SGSM1: variants seen among roughly 807,000 people sequenced by gnomAD.
SGSM1 encodes the protein RUN and TBC1 domain containing 2.
SGSM1 carries 73 observed loss-of-function variants against 133.8 expected under a neutral mutation model. That is an observed-to-expected ratio of 0.55 (90% CI 0.45 to 0.66). The LOEUF (loss-of-function observed/expected upper bound fraction) is 0.66, where lower values mean the gene tolerates loss of function less well. Ranked by LOEUF, SGSM1 falls within the 30% of genes least tolerant of loss-of-function variation. The pLI is 0.00. For synonymous variants in SGSM1, 563 were observed against 573.0 expected (o/e 0.98, Z 0.25); for missense variants, 1,213 against 1,448.1 (o/e 0.84, Z 2.64).
chr22:24,910,097 G>A (rs1179961270), intron 21 of SGSM1, among the ~76,000 whole-genome samples: 3 of 152,166 alleles, frequency 2.0e-5, no homozygotes, highest in African/African-American at 7.2e-5. Flanking sequence ...AGACACAAAA[G>A]TTCACAAATG....
intron 6 of SGSM1, 60 bp downstream of exon 6, chr22:24,855,123 C>T: frequency 6.4e-7 from 1 of 1,573,322 alleles, no homozygotes; most frequent in South Asian, 1.1e-5. Flanking sequence ...TGAGGGGCAC[C>T]TTCTCCAGGA....
chr22:24,816,836 C>T (rs115421666), intron 2 of SGSM1, among the ~76,000 whole-genome samples: 3,021 of 152,184 alleles, frequency 0.02, 100 homozygotes, highest in African/African-American at 0.069. Flanking sequence ...TAGAGTGTTG[C>T]CCAGCAGCTC....
rs759247466 is a variant in SGSM1, at chr22:24,850,372, G to A, written c.395G>A (p.Arg132His). ...CTTGCCATCAAGCATCTGTGGATTC[G>A]CACAGCCTTGTTTGAGAAGGTCCTG... Reference protein sequence around the residue: ...SPLAIKHLWIRTALFEKVLDK... With the variant: ...SPLAIKHLWIHTALFEKVLDK... The change falls in exon 5 of 25, where the codon CGC (arginine) becomes CAC (histidine). Residue 132 changes from arginine (R) to histidine (H), a missense_variant. Coordinates refer to ENST00000400358, the MANE Select transcript of SGSM1 (RefSeq NM_001098497.3). 5.0e-6 allele frequency: 8 copies of A among 1,613,840 alleles called. No homozygotes were observed. The South Asian group carries it at 6.6e-5, about 13-fold the overall frequency.
At chr22:24,900,401 T>TTCTTTCTTTCTCTTTCTTTC (rs1933108801) in intron 19 of SGSM1, among the ~76,000 whole-genome samples, 1 of 66,432 alleles carries the variant, frequency 1.5e-5, no homozygotes, top group African/African-American at 4.7e-5. Flanking sequence ...CTTTCTTTCT[T>TTCTTTCTTTCTCTTTCTTTC]TCTTTCTGTA....
At chr22:24,864,316 A>T (rs1435615620) in intron 9 of SGSM1, among the ~76,000 whole-genome samples, 1 of 152,174 alleles carries the variant, frequency 6.6e-6, no homozygotes, top group Non-Finnish European at 1.5e-5. Context: ...GCTCATAGGG[A>T]TCTACCCAAG....
intron 21 of SGSM1, among the ~76,000 whole-genome samples, chr22:24,911,604 C>T (rs139762): frequency 0.28 from 42,941 of 151,970 alleles, 6,991 homozygotes; most frequent in East Asian, 0.55. Flanking sequence ...ATCATGGTGA[C>T]AGTATATACC....
chr22:24,855,395 C>G lies in SGSM1; in HGVS notation c.634C>G (p.Arg212Gly), dbSNP rs770730066. Residue 212 changes from arginine to glycine, a missense_variant, in exon 7 of 25, where the codon CGG becomes GGG. By Grantham distance (125) the Arg-to-Gly change is moderately radical (BLOSUM62 -2). Coordinates refer to ENST00000400358, the MANE Select transcript of SGSM1 (RefSeq NM_001098497.3). ...QRHRIHSSHV[R>G]QDSPTKRPAL... Reference sequence around the variant, plus strand: ...GCACCGCATCCACAGCTCCCACGTGCGGCAGGACTCGCCCACCAAGCGTCC... The same window carrying G: ...GCACCGCATCCACAGCTCCCACGTGGGGCAGGACTCGCCCACCAAGCGTCC... 1 of 1,613,352 alleles carries G rather than the reference C, an allele frequency of 6.2e-7. No homozygotes were observed. Among genetic ancestry groups the G allele is most frequent in the Non-Finnish European group, 8.5e-7 (1 of 1,179,778 alleles).
intron 18 of SGSM1, among the ~76,000 whole-genome samples, chr22:24,895,526 G>A (rs1009904619): frequency 6.6e-6 from 1 of 152,108 alleles, no homozygotes; most frequent in South Asian, 2.1e-4. Flanking sequence ...TGCTTTGATC[G>A]TCCTTAATCT....
At chr22:24,857,002 T>C (rs1283344880) in intron 8 of SGSM1, among the ~76,000 whole-genome samples, 3 of 152,042 alleles carry the variant, frequency 2.0e-5, no homozygotes. Context: ...TCTCCTGACC[T>C]TGTGATCTGC....
At chr22:24,895,731 C>T (rs1035198655) in intron 18 of SGSM1, among the ~76,000 whole-genome samples, 7 of 152,088 alleles carry the variant, frequency 4.6e-5, no homozygotes, top group Non-Finnish European at 7.3e-5. Flanking sequence ...AAAGAGATAA[C>T]TCAATCTCAC....
At position 24,896,273 on chromosome 22, in the gene SGSM1, T is replaced by TA. The variant is rs201538346; in HGVS notation, c.2022+992dup. ...TTGCTTCCTAATTTTGATTTTGGAG[T>TA]AAAAAAAAAACTCTGGTTTTGACTC... is the stretch of plus-strand genomic sequence containing the variant. On this transcript the variant is annotated intron_variant, in intron 18 of 24. Coordinates refer to ENST00000400358, the MANE Select transcript of SGSM1 (RefSeq NM_001098497.3). 2.7e-3 allele frequency among the ~76,000 whole-genome samples: 398 copies of TA among 147,284 alleles called. 3 individuals carry two copies. Among genetic ancestry groups the TA allele is most frequent in the African/African-American group, 9.4e-3 (378 of 40,214 alleles).
chr22:24,895,488 C>T (rs1223596597), intron 18 of SGSM1, among the ~76,000 whole-genome samples, 197 bp downstream of exon 18: 1 of 152,168 alleles, frequency 6.6e-6, no homozygotes, highest in Non-Finnish European at 1.5e-5. Flanking sequence ...CTGCAAAAAA[C>T]TAAAACATTG....
At chr22:24,902,765 T>G (rs1454442564) in intron 20 of SGSM1, among the ~76,000 whole-genome samples, 2 of 151,946 alleles carry the variant, frequency 1.3e-5, no homozygotes, top group African/African-American at 4.8e-5. Flanking sequence ...GTTAAAAATC[T>G]AAATCACTGA....
At position 24,898,307 on chromosome 22, in the gene SGSM1, C is replaced by T; in HGVS notation, c.2358C>T (p.Leu786=). 1.2e-6 allele frequency: 2 copies of T among 1,613,940 alleles called. No homozygotes were observed. Among genetic ancestry groups the T allele is most frequent in the South Asian group, 1.1e-5 (1 of 91,074 alleles). ...LAVQDSLESD[L]LANESMDEFM... ...TGCAGGACAGCCTGGAGAGTGACCT[C>T]CTGGCCAACGAGAGCATGGACGAGT... Residue 786 remains leucine (L), a synonymous_variant, in exon 19 of 25, where the codon CTC becomes CTT. Coordinates refer to ENST00000400358, the MANE Select transcript of SGSM1 (RefSeq NM_001098497.3).
At chr22:24,826,632 T>G (rs117439254) in intron 2 of SGSM1, among the ~76,000 whole-genome samples, 1 of 151,888 alleles carries the variant, frequency 6.6e-6, no homozygotes, top group Non-Finnish European at 1.5e-5. Context: ...TAAAGAGAGG[T>G]CAAGTGCATG....
chr22:24,832,637 G>C (rs1929184042), intron 2 of SGSM1, among the ~76,000 whole-genome samples: 1 of 152,188 alleles, frequency 6.6e-6, no homozygotes. Context: ...GGCTTGGTCA[G>C]AGGGAGAGAT....
At chr22:24,871,258 A>T (rs1353550812) in intron 12 of SGSM1, among the ~76,000 whole-genome samples, 1 of 152,110 alleles carries the variant, frequency 6.6e-6, no homozygotes, top group East Asian at 1.9e-4. Flanking sequence ...GTTTAGAGAA[A>T]AGAAGGCATC....
At chr22:24,878,586 C>T (rs576110064) in intron 13 of SGSM1, among the ~76,000 whole-genome samples, 2 of 152,320 alleles carry the variant, frequency 1.3e-5, no homozygotes, top group East Asian at 3.9e-4. Flanking sequence ...GTCCTGAGAA[C>T]AAATATGCAG....
chr22:24,923,568 C>G (rs1266190339), intron 24 of SGSM1, among the ~76,000 whole-genome samples: 1 of 151,742 alleles, frequency 6.6e-6, no homozygotes, highest in African/African-American at 2.4e-5. Flanking sequence ...CCCAGCACTG[C>G]TCTCAGTCAT....
Sources: allele counts gnomAD v4.1 joint callset (sites outside exome capture counted in the v4.1 genomes callset), GRCh38; gene constraint gnomAD v4.1.1; transcripts MANE v1.5; gene names NCBI Gene and HGNC (gene_info 2026-07-23, HGNC 2026-07-21).